ITGA9: variants seen among roughly 807,000 people sequenced by gnomAD.
ITGA9 encodes the protein integrin subunit alpha 9.
A neutral mutation model predicts 127.8 loss-of-function variants in ITGA9; 56 were observed. That is an observed-to-expected ratio of 0.44 (90% confidence interval 0.35 to 0.55). The LOEUF is 0.55. Ranked by LOEUF, ITGA9 falls within the 20% of genes least tolerant of loss-of-function variation. The pLI, the probability that ITGA9 is intolerant of heterozygous loss-of-function variation, is 0.00. For missense variants in ITGA9, 1,196 were observed against 1,347.1 expected, an observed-to-expected ratio of 0.89 and a Z score of 1.76; for synonymous variants, 508 against 514.5, an observed-to-expected ratio of 0.99 and a Z score of 0.17.
chr3:37,722,737 G>A (rs74839613), intron 18 of ITGA9, among the ~76,000 whole-genome samples: 4,997 of 152,234 alleles, frequency 0.033, 100 homozygotes, highest in Non-Finnish European at 0.048. Context: ...ACATTAGATT[G>A]TTTCCAGTTT....
At chr3:37,499,145 C>T (rs1055791509) in intron 5 of ITGA9, among the ~76,000 whole-genome samples, 1 of 152,202 alleles carries the variant, frequency 6.6e-6, no homozygotes, top group Non-Finnish European at 1.5e-5. Context: ...GAGAGAATTT[C>T]CTGGGAGGTT....
At chr3:37,707,755 G>A (rs1319399497) in intron 18 of ITGA9, among the ~76,000 whole-genome samples, 1 of 152,160 alleles carries the variant, frequency 6.6e-6, no homozygotes, top group Non-Finnish European at 1.5e-5. Context: ...CTCTACTAAT[G>A]TTTTCACCTA....
At chr3:37,618,837 C>G (rs1002502564) in intron 15 of ITGA9, among the ~76,000 whole-genome samples, 28 of 152,124 alleles carry the variant, frequency 1.8e-4, no homozygotes, top group African/African-American at 5.6e-4. Context: ...TAGGAGTGAC[C>G]CGATTTTCCA....
At chr3:37,585,818 G>A (rs1575158354) in intron 15 of ITGA9, among the ~76,000 whole-genome samples, 1 of 152,050 alleles carries the variant, frequency 6.6e-6, no homozygotes, top group East Asian at 1.9e-4. Context: ...TTAATTTACT[G>A]AATGAGTTTA....
chr3:37,632,320 G>A (rs1240984051), intron 16 of ITGA9, among the ~76,000 whole-genome samples: 1 of 152,150 alleles, frequency 6.6e-6, no homozygotes, highest in Non-Finnish European at 1.5e-5. Flanking sequence ...TGAAAGGCAA[G>A]GGAAGTGTTC....
At chr3:37,558,596 T>C (rs1450609042) in intron 15 of ITGA9, among the ~76,000 whole-genome samples, 2 of 152,198 alleles carry the variant, frequency 1.3e-5, no homozygotes, top group Non-Finnish European at 2.9e-5. Context: ...TCTATTTCAC[T>C]CTCAAGTGTT....
At chr3:37,466,483 CAAAAAAAA>C (rs60980366) in intron 1 of ITGA9, among the ~76,000 whole-genome samples, 26 of 26,066 alleles carry the variant, frequency 1.0e-3, no homozygotes, top group African/African-American at 3.8e-3. Flanking sequence ...GACACCATCT[CAAAAAAAA>C]AAAAAAAAAA....
chr3:37,571,249 G>A (rs1418722715), intron 15 of ITGA9, among the ~76,000 whole-genome samples: 1 of 152,168 alleles, frequency 6.6e-6, no homozygotes, highest in South Asian at 2.1e-4. Context: ...GATGGAGAGA[G>A]AGTGCAAAAT....
At chr3:37,714,630 AG>A (rs571075214) in intron 18 of ITGA9, among the ~76,000 whole-genome samples, 39 of 152,286 alleles carry the variant, frequency 2.6e-4, no homozygotes, top group South Asian at 1.5e-3. Context: ...AATCTACATC[AG>A]TGCCACTCAA....
At chr3:37,619,521 T>G (rs539122308) in intron 15 of ITGA9, among the ~76,000 whole-genome samples, 100 of 152,280 alleles carry the variant, frequency 6.6e-4, no homozygotes, top group African/African-American at 2.2e-3. Context: ...GCAGAGCTTA[T>G]CCCACCCAGC....
At chr3:37,734,819 G>T (rs1041323428) in intron 19 of ITGA9, among the ~76,000 whole-genome samples, 59 of 152,304 alleles carry the variant, frequency 3.9e-4, no homozygotes, top group African/African-American at 1.4e-3. Context: ...GCCCACAGAA[G>T]TATGAACATT....
At chr3:37,572,623 T>C (rs1699612563) in intron 15 of ITGA9, among the ~76,000 whole-genome samples, 1 of 152,236 alleles carries the variant, frequency 6.6e-6, no homozygotes, top group African/African-American at 2.4e-5. Flanking sequence ...TACATTTTAG[T>C]TCTTACTGTA....
intron 18 of ITGA9, among the ~76,000 whole-genome samples, chr3:37,685,017 C>G (rs1015540992): frequency 2.0e-5 from 3 of 151,566 alleles, no homozygotes; most frequent in Non-Finnish European, 2.9e-5. Flanking sequence ...CAGTGTTGCT[C>G]TAACTGCTGA....
At chr3:37,678,374 G>T (rs1700703194) in intron 17 of ITGA9, among the ~76,000 whole-genome samples, 1 of 152,140 alleles carries the variant, frequency 6.6e-6, no homozygotes, top group Non-Finnish European at 1.5e-5. Flanking sequence ...TAATAGTCAT[G>T]AAGTGGGAAA....
intron 25 of ITGA9, among the ~76,000 whole-genome samples, chr3:37,784,290 T>G (rs1172019900): frequency 6.6e-6 from 1 of 152,208 alleles, no homozygotes; most frequent in Non-Finnish European, 1.5e-5. Context: ...GGCGCCATTT[T>G]CTGGTTATCT....
intron 23 of ITGA9, among the ~76,000 whole-genome samples, chr3:37,769,641 TC>T (rs1176086214): frequency 2.0e-5 from 3 of 152,174 alleles, no homozygotes; most frequent in African/African-American, 4.8e-5. Context: ...TAGACTCCAG[TC>T]TCAAGTTTGC....
chr3:37,552,478 CTCTTT>C (rs1370919757), intron 15 of ITGA9, among the ~76,000 whole-genome samples: 11 of 151,266 alleles, frequency 7.3e-5, no homozygotes, highest in Non-Finnish European at 1.6e-4. Flanking sequence ...ATATCATGGC[CTCTTT>C]TCTTCTCATT....
At chr3:37,640,637 A>G (rs958978752) in intron 16 of ITGA9, among the ~76,000 whole-genome samples, 1 of 152,216 alleles carries the variant, frequency 6.6e-6, no homozygotes, top group Non-Finnish European at 1.5e-5. Flanking sequence ...TATTTTGAGC[A>G]GCTGAACTCC....
intron 4 of ITGA9, among the ~76,000 whole-genome samples, chr3:37,492,882 T>C (rs376355923): frequency 6.6e-6 from 1 of 152,258 alleles, no homozygotes; most frequent in East Asian, 1.9e-4. Flanking sequence ...TTGTGCTATT[T>C]GATGCAGGAT....
Sources: allele counts gnomAD v4.1 joint callset (sites outside exome capture counted in the v4.1 genomes callset), GRCh38; gene constraint gnomAD v4.1.1; transcripts MANE v1.5; gene names NCBI Gene and HGNC (gene_info 2026-07-23, HGNC 2026-07-21).